Variants in SHQ1 observed in about 807,000 individuals in gnomAD.
SHQ1 encodes protein SHQ1 homolog.
Under a neutral mutation model 53.8 loss-of-function variants are expected in SHQ1, and 49 were observed. The observed-to-expected ratio is 0.91, with a 90% CI of 0.72 to 1.16. The LOEUF is 1.16. Among genes scored for constraint, SHQ1 ranks in the 50% most tolerant of loss-of-function variants. SHQ1 has a pLI of 0.00. For synonymous variants in SHQ1, 243 were observed against 251.0 expected, an observed-to-expected ratio of 0.97 and a Z score of 0.30; for missense variants, 738 against 683.1, an observed-to-expected ratio of 1.08 and a Z score of -0.90.
intron 5 of SHQ1, among the ~76,000 whole-genome samples, chr3:72,829,660 C>A (rs1707768798): frequency 1.3e-5 from 2 of 152,126 alleles, no homozygotes; most frequent in African/African-American, 4.8e-5. Context: ...TCAATAAACC[C>A]AAGAACTTAA....
chr3:72,738,369 A>T, the SHQ1 span, among the ~76,000 whole-genome samples: 1 of 152,218 alleles, frequency 6.6e-6, no homozygotes, highest in East Asian at 1.9e-4. Context: ...ATTTGGTTCC[A>T]GGAAGGCCCT....
chr3:72,834,688 A>G (rs1193010020), intron 4 of SHQ1, among the ~76,000 whole-genome samples: 3 of 152,190 alleles, frequency 2.0e-5, no homozygotes, highest in Non-Finnish European at 4.4e-5. Flanking sequence ...GAATTAGAAT[A>G]TATTATACCA....
At chr3:72,756,253 A>G (rs1705496106) in intron 10 of SHQ1, among the ~76,000 whole-genome samples, 1 of 152,020 alleles carries the variant, frequency 6.6e-6, no homozygotes, top group Non-Finnish European at 1.5e-5. Context: ...TAGTTATAGT[A>G]TATGTTTTTT....
chr3:72,738,630 G>A, the SHQ1 span, among the ~76,000 whole-genome samples: 1 of 152,048 alleles, frequency 6.6e-6, no homozygotes, highest in Non-Finnish European at 1.5e-5. Flanking sequence ...GAAATCCTGC[G>A]GGTGCCTTCC....
At chr3:72,773,075 C>T (rs567409971) in intron 10 of SHQ1, 29 of 830,872 alleles carry the variant, frequency 3.5e-5, no homozygotes, top group Admixed American at 1.7e-4. Flanking sequence ...TCTAAGTACT[C>T]GGAAATGAGT....
chr3:72,732,376 GCCTGCCTGCCTGCCTT>G, the SHQ1 span, among the ~76,000 whole-genome samples: 3 of 100,150 alleles, frequency 3.0e-5, no homozygotes, highest in African/African-American at 1.3e-4. Context: ...CTGCCTGCCT[GCCTGCCTGCCTGCCTT>G]CCTTCCTTCC....
chr3:72,785,917 C>T (rs2106772015), intron 10 of SHQ1, among the ~76,000 whole-genome samples: 1 of 152,312 alleles, frequency 6.6e-6, no homozygotes, highest in African/African-American at 2.4e-5. Flanking sequence ...TCCTGGCTCC[C>T]TCTTTACTGA....
At chr3:72,780,515 C>T (rs1706049222) in intron 10 of SHQ1, among the ~76,000 whole-genome samples, 1 of 152,138 alleles carries the variant, frequency 6.6e-6, no homozygotes, top group African/African-American at 2.4e-5. Context: ...AATTGGCTGG[C>T]AAGCTTATTT....
chr3:72,842,892 G>A (rs1226413454), intron 2 of SHQ1, among the ~76,000 whole-genome samples: 1 of 152,048 alleles, frequency 6.6e-6, no homozygotes, highest in Non-Finnish European at 1.5e-5. Context: ...TGGCCAACAT[G>A]GTGAAACCCC....
intron 10 of SHQ1, among the ~76,000 whole-genome samples, chr3:72,760,029 A>T (rs543532015): frequency 6.6e-6 from 1 of 152,288 alleles, no homozygotes; most frequent in South Asian, 2.1e-4. Flanking sequence ...CTTTTAATCA[A>T]TCCTTTAATA....
intron 10 of SHQ1, among the ~76,000 whole-genome samples, chr3:72,756,425 G>A (rs774604040): frequency 7.9e-5 from 12 of 151,936 alleles, no homozygotes; most frequent in Non-Finnish European, 1.8e-4. Context: ...ACAGGCATGC[G>A]CCACCACGCC....
the SHQ1 span, among the ~76,000 whole-genome samples, chr3:72,731,918 C>T: frequency 2.9e-4 from 44 of 151,400 alleles, no homozygotes; most frequent in African/African-American, 8.5e-4. Flanking sequence ...TCAAAGGCTG[C>T]GTCCTGTGAG....
chr3:72,785,190 T>A (rs1181179483), intron 10 of SHQ1, among the ~76,000 whole-genome samples: 1 of 152,214 alleles, frequency 6.6e-6, no homozygotes, highest in East Asian at 1.9e-4. Flanking sequence ...CAAGACCATA[T>A]GCAAGAGCAA....
At chr3:72,845,740 C>T (rs1708309433) in intron 1 of SHQ1, among the ~76,000 whole-genome samples, 1 of 152,142 alleles carries the variant, frequency 6.6e-6, no homozygotes, top group Non-Finnish European at 1.5e-5. Flanking sequence ...ATGGCCCTCC[C>T]CCTTGTTTCC....
At chr3:72,763,022 TACACACACACACAC>T (rs35278618) in intron 10 of SHQ1, among the ~76,000 whole-genome samples, 22 of 132,742 alleles carry the variant, frequency 1.7e-4, no homozygotes, top group Admixed American at 5.9e-4. Context: ...CATCTTGTTT[TACACACACACACAC>T]ACACACACAC....
downstream of SHQ1, among the ~76,000 whole-genome samples, chr3:72,747,309 T>G (rs1705274368): frequency 6.6e-6 from 1 of 152,164 alleles, no homozygotes; most frequent in African/African-American, 2.4e-5. Context: ...ATTTAAACTA[T>G]TAATGGAGAA....
Position 72,844,414 on chromosome 3 carries a change from A to G in SHQ1, c.153T>C (p.Leu51=), listed in dbSNP as rs1309156428. 1.9e-6 allele frequency: 3 copies of G among 1,613,660 alleles called. No homozygotes were observed. Among genetic ancestry groups the G allele is most frequent in the Non-Finnish European group, 2.5e-6 (3 of 1,179,760 alleles). The change falls in exon 2 of 11, where the codon CTT becomes CTC. Residue 51 remains leucine (L), a synonymous_variant. Transcript: ENST00000325599. ...YAKPYFLRLT[L]PGRIVENGSE... is the part of the protein sequence containing the mutation. ...TTCCATTTTCTACAATTCTTCCAGG[A>G]AGGGTTAATCTGCAGATTTAACACA...
intron 10 of SHQ1, among the ~76,000 whole-genome samples, chr3:72,764,660 G>A (rs574463336): frequency 2.6e-5 from 4 of 152,278 alleles, no homozygotes; most frequent in Admixed American, 6.5e-5. Context: ...CCTGGACCAG[G>A]AGCAGCAGCA....
chr3:72,773,130 G>T, intron 10 of SHQ1: 2 of 756,444 alleles, frequency 2.6e-6, no homozygotes, highest in Non-Finnish European at 4.8e-6. Flanking sequence ...TCAAAGTCAT[G>T]AAGTTTCAGG....
Sources: gnomAD v4.1 joint callset for allele counts (sites outside exome capture counted in the v4.1 genomes callset) on GRCh38, gnomAD v4.1.1 for gene constraint, MANE v1.5 for transcripts, NCBI Gene and HGNC (gene_info 2026-07-23, HGNC 2026-07-21) for gene names.